Variants in CA10 observed in about 807,000 individuals in gnomAD.
CA10 encodes the protein carbonic anhydrase-related protein 10.
In CA10, 14 loss-of-function variants were observed where a neutral mutation model predicts 44.2. That is an observed-to-expected ratio of 0.32 (90% CI 0.21 to 0.50). CA10 has a LOEUF of 0.50. Among genes scored for constraint, CA10 ranks in the 20% least tolerant of loss-of-function variants. The pLI, the probability that CA10 is intolerant of heterozygous loss-of-function variation, is 0.99. For missense variants in CA10, 350 were observed against 409.7 expected, an observed-to-expected ratio of 0.85 and a Z score of 1.26; for synonymous variants, 159 against 141.6, an observed-to-expected ratio of 1.12 and a Z score of -0.87.
At chr17:51,931,843 T>A (rs203087) in intron 2 of CA10, among the ~76,000 whole-genome samples, 103,067 of 152,012 alleles carry the variant, frequency 0.68, 35,284 homozygotes, top group Non-Finnish European at 0.71. Flanking sequence ...TATTAGAATG[T>A]ATTTCTGTGG....
intron 1 of CA10, among the ~76,000 whole-genome samples, chr17:52,140,166 G>A (rs1443350770): frequency 2.0e-5 from 3 of 152,184 alleles, no homozygotes; most frequent in South Asian, 4.1e-4. Flanking sequence ...TGCGGTGGTG[G>A]TTATAGGACT....
At chr17:51,795,508 G>A (rs1906672002) in intron 3 of CA10, among the ~76,000 whole-genome samples, 1 of 152,160 alleles carries the variant, frequency 6.6e-6, no homozygotes, top group Non-Finnish European at 1.5e-5. Context: ...CCAGAGAAAA[G>A]GAAAAAGTAT....
rs17590785 is a variant in CA10, at chr17:51,912,751, G to A, written c.279+18239C>T. On this transcript the variant is annotated intron_variant, in intron 3 of 8. Coordinates refer to ENST00000451037, the MANE Select transcript of CA10 (RefSeq NM_020178.5). The stretch of plus-strand genomic sequence containing the variant: ...AACATTTTCCTGATATCATACCCAA[G>A]AGAACAGCATGTGAAGCAACACTAT... 6.5e-3 allele frequency among the ~76,000 whole-genome samples: 983 copies of A among 152,292 alleles called. 4 individuals are homozygous for A. The highest frequency in any genetic ancestry group is 0.011 in the Non-Finnish European group (732 of 68,022).
intron 8 of CA10, among the ~76,000 whole-genome samples, chr17:51,632,946 C>T (rs1018209364): frequency 5.3e-5 from 8 of 152,160 alleles, no homozygotes; most frequent in Admixed American, 2.6e-4. Flanking sequence ...TCACAAATTA[C>T]CCCATTGGAT....
At position 51,649,498 on chromosome 17, in the gene CA10, T is replaced by C. The variant is rs145842019; in HGVS notation, c.562-244A>G. Among the ~76,000 whole-genome samples, 4 of 152,256 alleles carry C rather than the reference T, an allele frequency of 2.6e-5. No individual in the cohort carries two copies. In the East Asian group the frequency reaches 5.8e-4, roughly 22 times the overall value. ...TGTGAAGAGTGCTATGATTGAGTCA[T>C]TGGTGTAATGATGTTGGAGGAAGAC... On this transcript the variant is annotated intron_variant, in intron 5 of 8. Coordinates refer to ENST00000451037, the MANE Select transcript of CA10 (RefSeq NM_020178.5).
Position 51,689,950 on chromosome 17 carries a change from C to T in CA10, c.466-36214G>A, listed in dbSNP as rs142165757. On this transcript the variant is annotated intron_variant, in intron 4 of 8. Transcript: ENST00000451037. ...GAGAACACTTAAAATCTACTCTTAC[C>T]GATTTTTTTTTTTTTGAGATGGAGT... Among the ~76,000 whole-genome samples the T allele has an allele frequency of 4.2e-3, 624 of 147,092 alleles. 4 individuals carry two copies. Among genetic ancestry groups the T allele is most frequent in the African/African-American group, 0.013 (478 of 37,402 alleles).
At chr17:52,121,381 T>C (rs1022949053) in intron 1 of CA10, among the ~76,000 whole-genome samples, 2 of 152,080 alleles carry the variant, frequency 1.3e-5, no homozygotes, top group Non-Finnish European at 2.9e-5. Context: ...GGAGAAGACC[T>C]AGGTTGGAAG....
At chr17:52,035,208 A>T (rs1860559) in intron 2 of CA10, among the ~76,000 whole-genome samples, 139,566 of 152,126 alleles carry the variant, frequency 0.92, 64,156 homozygotes, top group Non-Finnish European at 0.95. Flanking sequence ...GCCTATAAAG[A>T]CCCCAGAGTC....
At chr17:52,060,796 T>C (rs1459474780) in intron 2 of CA10, among the ~76,000 whole-genome samples, 1 of 152,218 alleles carries the variant, frequency 6.6e-6, no homozygotes, top group Non-Finnish European at 1.5e-5. Flanking sequence ...AATTTATACA[T>C]ATTTGTAGTG....
intron 1 of CA10, among the ~76,000 whole-genome samples, chr17:52,156,743 C>T (rs918093521): frequency 6.6e-6 from 1 of 152,200 alleles, no homozygotes; most frequent in Non-Finnish European, 1.5e-5. Flanking sequence ...CCCACTTCTG[C>T]AGAAGAATGC....
chr17:51,697,542 C>T (rs908011485), intron 4 of CA10, among the ~76,000 whole-genome samples: 1 of 152,148 alleles, frequency 6.6e-6, no homozygotes, highest in Non-Finnish European at 1.5e-5. Context: ...CTCTCAAGAC[C>T]CTTTGCTTTG....
At chr17:51,718,769 A>G (rs992887119) in intron 4 of CA10, among the ~76,000 whole-genome samples, 5 of 152,300 alleles carry the variant, frequency 3.3e-5, no homozygotes, top group Middle Eastern at 6.8e-3. Context: ...ATTGAATAAG[A>G]GAATACCCAG....
chr17:51,729,789 G>A (rs1171932183), intron 4 of CA10, among the ~76,000 whole-genome samples: 3 of 152,282 alleles, frequency 2.0e-5, no homozygotes, highest in African/African-American at 7.2e-5. Context: ...CTAATGAGGT[G>A]GATGTGGATA....
chr17:52,015,775 AACCTT>A (rs1166681163), intron 2 of CA10, among the ~76,000 whole-genome samples: 1 of 152,124 alleles, frequency 6.6e-6, no homozygotes, highest in African/African-American at 2.4e-5. Flanking sequence ...TAAGGTCTGA[AACCTT>A]ACCTAAGAAC....
intron 2 of CA10, among the ~76,000 whole-genome samples, chr17:52,033,433 A>T (rs189704854): frequency 9.0e-4 from 137 of 152,328 alleles, no homozygotes; most frequent in Non-Finnish European, 1.7e-3. Context: ...CCTGATATAA[A>T]CCCACATGTG....
intron 2 of CA10, among the ~76,000 whole-genome samples, chr17:51,967,331 G>GAGAT (rs1984117734): frequency 2.4e-5 from 1 of 41,186 alleles, no homozygotes; most frequent in Admixed American, 4.0e-4. Context: ...TCCATTACTG[G>GAGAT]AGATATATAT....
chr17:51,848,627 T>A (rs1043574812), intron 3 of CA10, among the ~76,000 whole-genome samples: 1 of 152,210 alleles, frequency 6.6e-6, no homozygotes, highest in Non-Finnish European at 1.5e-5. Flanking sequence ...CTCCTCTGAG[T>A]GTGCCCAATA....
chr17:51,688,941 T>C (rs989601560), intron 4 of CA10, among the ~76,000 whole-genome samples: 1 of 152,222 alleles, frequency 6.6e-6, no homozygotes, highest in Non-Finnish European at 1.5e-5. Context: ...ATATATTGAC[T>C]CATGTAATTG....
intron 3 of CA10, chr17:51,748,436 C>T: frequency 2.0e-6 from 2 of 978,260 alleles, no homozygotes; most frequent in Non-Finnish European, 2.4e-6. Context: ...CTCCTTATTC[C>T]TGATTCCATC....
Sources: allele counts gnomAD v4.1 joint callset (sites outside exome capture counted in the v4.1 genomes callset), GRCh38; gene constraint gnomAD v4.1.1; transcripts MANE v1.5; gene names NCBI Gene and HGNC (gene_info 2026-07-23, HGNC 2026-07-21).